CNNM1: variants seen among roughly 807,000 people sequenced by gnomAD.
CNNM1 encodes cyclin and CBS domain divalent metal cation transport mediator 1.
CNNM1 carries 44 observed loss-of-function variants against 78.8 expected under a neutral mutation model. That is an observed-to-expected ratio of 0.56 (90% CI 0.44 to 0.72). The LOEUF (loss-of-function observed/expected upper bound fraction) is 0.72, where lower values mean the gene tolerates loss of function less well. CNNM1 is among the 30% of genes least tolerant of loss of function. The probability of loss-of-function intolerance (pLI) is 0.00; values close to 1 mark genes in which losing one functional copy is unlikely to be tolerated. For synonymous variants in CNNM1, 584 were observed against 581.5 expected (o/e 1.00, Z -0.06); for missense variants, 1,101 against 1,292.2 (o/e 0.85, Z 2.27).
chr10:99,371,719 C>G (rs2031810367), intron 6 of CNNM1, among the ~76,000 whole-genome samples: 1 of 152,168 alleles, frequency 6.6e-6, no homozygotes, highest in African/African-American at 2.4e-5. Flanking sequence ...GGGATCCTAA[C>G]TTGGGCTTAG....
rs115241358 is a variant in CNNM1, at chr10:99,384,245, G to T, written c.2341-3575G>T. Among the ~76,000 whole-genome samples, 136 of 152,240 alleles carry T rather than the reference G, an allele frequency of 8.9e-4. 1 individual carries two copies. Among genetic ancestry groups the T allele is most frequent in the African/African-American group, 3.2e-3 (133 of 41,552 alleles). The stretch of plus-strand genomic sequence containing the variant: ...ATACCCGAACCTAGAAATGCCTCTG[G>T]GAGAGGCAGAGCAGAGTTGCTTCCC... On this transcript the variant is annotated intron_variant, in intron 7 of 10. Coordinates refer to ENST00000356713, the MANE Select transcript of CNNM1 (RefSeq NM_020348.3).
chr10:99,335,252 G>T (rs1179670404), intron 1 of CNNM1, among the ~76,000 whole-genome samples: 1 of 152,204 alleles, frequency 6.6e-6, no homozygotes, highest in African/African-American at 2.4e-5. Flanking sequence ...GCAGTTACAG[G>T]TGATGATATG....
chr10:99,385,003 G>C (rs1032219735), intron 7 of CNNM1, among the ~76,000 whole-genome samples: 1 of 150,022 alleles, frequency 6.7e-6, no homozygotes, highest in Non-Finnish European at 1.5e-5. Context: ...GGAGGCAAAG[G>C]TTGCACCACT....
chr10:99,356,569 AAAG>A (rs1393770834), intron 1 of CNNM1, among the ~76,000 whole-genome samples: 6 of 114,074 alleles, frequency 5.3e-5, no homozygotes, highest in Non-Finnish European at 9.2e-5. Flanking sequence ...AGACAGAAAG[AAAG>A]AAAGAAAGAA....
intron 7 of CNNM1, among the ~76,000 whole-genome samples, chr10:99,382,073 G>A (rs1288884524): frequency 6.6e-6 from 1 of 152,178 alleles, no homozygotes; most frequent in Non-Finnish European, 1.5e-5. Context: ...TGCAAGATGA[G>A]TGTTTTCACA....
chr10:99,356,562 C>CAGAA (rs71009746), intron 1 of CNNM1, among the ~76,000 whole-genome samples: 3,999 of 98,394 alleles, frequency 0.041, 108 homozygotes, highest in Middle Eastern at 0.12. Flanking sequence ...GACAGACAGA[C>CAGAA]AGAAAGAAAG....
chr10:99,363,364 T>C (rs2031501786), intron 4 of CNNM1, among the ~76,000 whole-genome samples: 1 of 152,242 alleles, frequency 6.6e-6, no homozygotes, highest in Non-Finnish European at 1.5e-5. Context: ...TTACATTGTT[T>C]GTATAATGTA....
In CNNM1 at chr10:99,334,558, C is replaced by G. The variant is rs2030078038; in HGVS notation, c.1573+3598C>G. 2.6e-5 allele frequency among the ~76,000 whole-genome samples: 4 copies of G among 152,002 alleles called. No homozygotes were observed. The South Asian group carries it at 8.3e-4, about 32-fold the overall frequency. On this transcript the variant is annotated intron_variant, in intron 1 of 10. Transcript: ENST00000356713. ...ATCCCAGCTAATTGGGAGGCTGAGA[C>G]AGGAGAATTGCTGAGACAGGAGGCG...
intron 1 of CNNM1, among the ~76,000 whole-genome samples, chr10:99,343,447 C>T (rs2030544320): frequency 6.6e-6 from 1 of 152,040 alleles, no homozygotes; most frequent in Admixed American, 6.6e-5. Context: ...CATTGTGTGC[C>T]CACCATAAAT....
At chr10:99,362,500 C>T (rs928993303) in intron 4 of CNNM1, 104 bp downstream of exon 4, 11 of 1,252,152 alleles carry the variant, frequency 8.8e-6, no homozygotes, top group Non-Finnish European at 1.2e-5. Context: ...ACTTGGCTGG[C>T]TGCCTCAGCA....
At chr10:99,336,910 C>T (rs929446960) in intron 1 of CNNM1, among the ~76,000 whole-genome samples, 18 of 152,106 alleles carry the variant, frequency 1.2e-4, no homozygotes, top group African/African-American at 3.4e-4. Context: ...TGCCACTGAA[C>T]TCCAGTGGCA....
intron 1 of CNNM1, among the ~76,000 whole-genome samples, chr10:99,349,607 C>T (rs2030853173): frequency 6.6e-6 from 1 of 152,148 alleles, no homozygotes; most frequent in Non-Finnish European, 1.5e-5. Flanking sequence ...CCAAGTGATA[C>T]CATGTTTCCA....
rs1055385527 is a variant in CNNM1 at position 99,361,919 on chromosome 10, T to G, written c.1859-308T>G. Among the ~76,000 whole-genome samples the G allele has an allele frequency of 3.9e-5, 6 of 152,364 alleles. No individual in the cohort carries two copies. The South Asian group carries it at 6.2e-4, about 16-fold the overall frequency. On this transcript the variant is annotated intron_variant, in intron 3 of 10. Coordinates refer to ENST00000356713, the MANE Select transcript of CNNM1 (RefSeq NM_020348.3). ...GTTGTTTATGTGGCTTAGTTGTCCATGTCCAATTTTAAATAAAATCAAAGA... is the reference window on the plus strand; with the variant it reads ...GTTGTTTATGTGGCTTAGTTGTCCAGGTCCAATTTTAAATAAAATCAAAGA...
intron 6 of CNNM1, among the ~76,000 whole-genome samples, chr10:99,372,567 G>T (rs911228248): frequency 3.9e-5 from 6 of 152,180 alleles, no homozygotes; most frequent in Non-Finnish European, 7.3e-5. Flanking sequence ...CCCCCAAGCT[G>T]TGCCTCTGTG....
At chr10:99,356,498 G>GAA (rs1420775983) in intron 1 of CNNM1, among the ~76,000 whole-genome samples, 4 of 148,158 alleles carry the variant, frequency 2.7e-5, no homozygotes, top group African/African-American at 1.0e-4. Context: ...GAGAGAGAGA[G>GAA]AGAGAGAGAG....
intron 7 of CNNM1, among the ~76,000 whole-genome samples, chr10:99,384,857 G>T (rs560073287): frequency 2.6e-5 from 4 of 151,880 alleles, no homozygotes; most frequent in African/African-American, 9.7e-5. Flanking sequence ...ACCTGAGGTC[G>T]GTAGTTCAAA....
chr10:99,365,717 A>T (rs2031592949), intron 6 of CNNM1, among the ~76,000 whole-genome samples: 1 of 152,214 alleles, frequency 6.6e-6, no homozygotes, highest in Non-Finnish European at 1.5e-5. Context: ...TTTCTGATTC[A>T]CAGTTCTGAA....
chr10:99,344,891 A>G (rs559923585), intron 1 of CNNM1, among the ~76,000 whole-genome samples: 4 of 152,208 alleles, frequency 2.6e-5, no homozygotes, highest in Non-Finnish European at 5.9e-5. Flanking sequence ...TCCCTTGCTA[A>G]TCACTAGGGA....
intron 1 of CNNM1, among the ~76,000 whole-genome samples, chr10:99,346,701 C>G (rs961939179): frequency 6.6e-6 from 1 of 152,194 alleles, no homozygotes; most frequent in African/African-American, 2.4e-5. Context: ...GCCAAACACA[C>G]TCCTTAAGTG....
Sources: gnomAD v4.1 joint callset for allele counts (sites outside exome capture counted in the v4.1 genomes callset) on GRCh38, gnomAD v4.1.1 for gene constraint, MANE v1.5 for transcripts, NCBI Gene and HGNC (gene_info 2026-07-23, HGNC 2026-07-21) for gene names.